The following ACOT7 variants were observed in gnomAD, a reference collection of about 807,000 sequenced individuals.
The protein encoded by ACOT7 is cytosolic acyl coenzyme A thioester hydrolase.
Under a neutral mutation model 40.2 loss-of-function variants are expected in ACOT7, and 12 were observed. The ratio of observed to expected loss-of-function variants is 0.30; its 90% CI spans 0.19 to 0.48. ACOT7 has a LOEUF of 0.48. ACOT7 is among the 20% of genes least tolerant of loss of function. The probability of loss-of-function intolerance (pLI) is 0.99; values close to 1 mark genes in which losing one functional copy is unlikely to be tolerated. For synonymous variants in ACOT7, 228 were observed against 219.5 expected (o/e 1.04, Z -0.34); for missense variants, 395 against 530.8 (o/e 0.74, Z 2.51).
intron 1 of ACOT7, among the ~76,000 whole-genome samples, chr1:6,361,573 C>T (rs1300354023): frequency 2.6e-5 from 4 of 152,070 alleles, no homozygotes; most frequent in South Asian, 2.1e-4. Context: ...CCGAGGCAGG[C>T]GGATCATCTG....
chr1:6,353,467 C>G (rs1641653537), intron 1 of ACOT7, among the ~76,000 whole-genome samples: 2 of 152,158 alleles, frequency 1.3e-5, no homozygotes, highest in Non-Finnish European at 2.9e-5. Flanking sequence ...AACCCCATCT[C>G]TACTAAAAAT....
At chr1:6,293,891 G>A (rs1372076546) in intron 7 of ACOT7, among the ~76,000 whole-genome samples, 1 of 152,180 alleles carries the variant, frequency 6.6e-6, no homozygotes, top group East Asian at 1.9e-4. Context: ...CCATTGCCAG[G>A]TGTGTTCTGC....
intron 6 of ACOT7, among the ~76,000 whole-genome samples, chr1:6,308,060 A>T (rs908179867): frequency 6.6e-6 from 1 of 151,328 alleles, no homozygotes; most frequent in African/African-American, 2.4e-5. Flanking sequence ...AGGAACAGCC[A>T]CAGGCAGAGG....
intron 1 of ACOT7, among the ~76,000 whole-genome samples, chr1:6,372,625 A>G (rs1642153427): frequency 6.9e-6 from 1 of 144,110 alleles, no homozygotes; most frequent in Non-Finnish European, 1.5e-5. Context: ...ATCTTGACTC[A>G]CTGCAACCTC....
chr1:6,333,525 G>T lies in ACOT7; in HGVS notation c.462C>A (p.Pro154=). The part of the protein sequence containing the change: ...LTNKATLWYV[P]LSLKNVDKVL... ...CCTTGTCCACATTCTTCAGCGACAG[G>T]GGCACATACCACAGGGTGGCCTTAT... is the stretch of plus-strand genomic sequence containing the variant. The change falls in exon 4 of 9, where the codon CCC becomes CCA. Residue 154 remains proline, a synonymous_variant. Transcript: ENST00000361521. The T allele has an allele frequency of 6.2e-7, 1 of 1,614,222 alleles. No homozygotes were observed. The highest frequency in any genetic ancestry group is 1.3e-5 in the African/African-American group (1 of 75,076).
chr1:6,327,232 C>T (rs889060479), intron 5 of ACOT7, 67 bp downstream of exon 5: 6 of 1,513,300 alleles, frequency 4.0e-6, no homozygotes, highest in Non-Finnish European at 2.7e-6. Context: ...GTAGGCCCGG[C>T]CTGCTCCTGC....
rs538065625 is a variant in ACOT7, at chr1:6,315,843, A to G, written c.712+2649T>C. Reference sequence around the variant, plus strand: ...TACAAATTGTGGGCAGAAAATCCCTACTAAAATAGGCATTATTGTAAAGCC... The same window carrying G: ...TACAAATTGTGGGCAGAAAATCCCTGCTAAAATAGGCATTATTGTAAAGCC... On this transcript the variant is annotated intron_variant, in intron 6 of 8. Transcript: ENST00000361521. Among the ~76,000 whole-genome samples the G allele has an allele frequency of 1.6e-4, 24 of 151,950 alleles. 1 individual carries two copies. The South Asian group carries it at 5.0e-3, about 32-fold the overall frequency.
intron 7 of ACOT7, among the ~76,000 whole-genome samples, chr1:6,285,272 T>C (rs1448914929): frequency 1.3e-5 from 2 of 152,194 alleles, no homozygotes; most frequent in African/African-American, 4.8e-5. Context: ...AAGTGGATGC[T>C]GAGCAGCCCA....
rs972320827 is a variant in ACOT7 at position 6,355,199 on chromosome 1, T to G, written c.144-5333A>C. On this transcript the variant is annotated intron_variant, in intron 1 of 8. Transcript: ENST00000361521. This position sits in a 1 kb window ranked among gnomAD's most constrained non-coding sequence, Gnocchi z 5.0. ...AGGGAACCATTCACAAATAGGGGAG[T>G]GTAAGCGAATACCCACTCACAGAGG... 6.6e-6 allele frequency among the ~76,000 whole-genome samples: 1 copy of G among 151,450 alleles called. No individual in the cohort carries two copies. The highest frequency in any genetic ancestry group is 2.4e-5 in the African/African-American group (1 of 41,118).
In ACOT7 at chr1:6,359,533, C is replaced by T. The variant is rs900330331; in HGVS notation, c.144-9667G>A. Among the ~76,000 whole-genome samples, 3 of 152,242 alleles carry T rather than the reference C, an allele frequency of 2.0e-5. No homozygotes were observed. Among genetic ancestry groups the T allele is most frequent in the Middle Eastern group, 6.8e-3 (2 of 294 alleles). On this transcript the variant is annotated intron_variant, in intron 1 of 8. Transcript: ENST00000361521. This position sits in a 1 kb window ranked among gnomAD's most constrained non-coding sequence, Gnocchi z 4.1. The stretch of plus-strand genomic sequence containing the variant: ...CTTGGGGCTCAGCAACTCCACTACC[C>T]TTCCTCCACTCCCGCGGGCTCTTAG...
chr1:6,310,250 G>A (rs1381715639), intron 6 of ACOT7, among the ~76,000 whole-genome samples: 1 of 152,238 alleles, frequency 6.6e-6, no homozygotes, highest in Non-Finnish European at 1.5e-5. Flanking sequence ...GGAAGAGGGT[G>A]AGGGCAGACC....
chr1:6,293,136 G>T (rs775408600), intron 7 of ACOT7, among the ~76,000 whole-genome samples: 113 of 152,166 alleles, frequency 7.4e-4, no homozygotes, highest in Non-Finnish European at 1.6e-3. Flanking sequence ...TGATCCGCCC[G>T]CCTCGGCCTC....
Position 6,289,724 on chromosome 1 carries a change from TCTCA to T in ACOT7, c.829+5136_829+5139del, listed in dbSNP as rs1388819419. On this transcript the variant is annotated intron_variant, in intron 7 of 8. Coordinates refer to ENST00000361521, the MANE Select transcript of ACOT7 (RefSeq NM_007274.4). The surrounding 1 kb of genome is among the most constrained non-coding windows in gnomAD (Gnocchi z 4.6). ...TGTTTTGTTTTTAAAGAAACAGGGG[TCTCA>T]CTGTGTTGCCCAGGCTGGTCTCGAA... is the stretch of plus-strand genomic sequence containing the variant. Among the ~76,000 whole-genome samples the T allele has an allele frequency of 2.0e-5, 3 of 151,936 alleles. No homozygotes were observed. Among genetic ancestry groups the T allele is most frequent in the African/African-American group, 7.2e-5 (3 of 41,484 alleles).
intron 1 of ACOT7, among the ~76,000 whole-genome samples, chr1:6,379,088 G>T (rs976345974): frequency 6.6e-6 from 1 of 151,768 alleles, no homozygotes; most frequent in East Asian, 1.9e-4. Flanking sequence ...GTAGAGAGGG[G>T]TTTCACCGTG....
intron 8 of ACOT7, among the ~76,000 whole-genome samples, chr1:6,269,447 A>G (rs12068062): frequency 0.11 from 16,634 of 152,194 alleles, 3,042 homozygotes; most frequent in African/African-American, 0.38. Context: ...AAACCACTAC[A>G]GCTGCTCCCA....
intron 2 of ACOT7, among the ~76,000 whole-genome samples, chr1:6,347,785 C>T (rs1007208519): frequency 6.6e-6 from 1 of 151,552 alleles, no homozygotes; most frequent in African/African-American, 2.4e-5. Flanking sequence ...AAAAACAAGA[C>T]AAGAACAGCT....
rs1349752359 is a variant in ACOT7 at position 6,264,715 on chromosome 1, A to G, written c.1015-20T>C. The G allele has an allele frequency of 8.7e-6, 14 of 1,611,464 alleles. No homozygotes were observed. The highest frequency in any genetic ancestry group is 3.3e-5 in the Admixed American group (2 of 59,930). ...CTCGGGCTGTGGACCACACACAGAG[A>G]CAGGCAGGTTAGGGTCACTGCAGAA... On this transcript the variant is annotated intron_variant, in intron 8 of 8. Coordinates refer to ENST00000361521, the MANE Select transcript of ACOT7 (RefSeq NM_007274.4).
rs183924047 is a variant in ACOT7 at position 6,333,277 on chromosome 1, G to C, written c.510+200C>G. Reference sequence around the variant, plus strand: ...CCCCACCCGTGTTTCCTCGGAGGCAGGACAGAAACTCCTGTGGAGCCAGGG... The same window carrying C: ...CCCCACCCGTGTTTCCTCGGAGGCACGACAGAAACTCCTGTGGAGCCAGGG... On this transcript the variant is annotated intron_variant, in intron 4 of 8. Coordinates refer to ENST00000361521, the MANE Select transcript of ACOT7 (RefSeq NM_007274.4). Among the ~76,000 whole-genome samples the C allele has an allele frequency of 2.7e-3, 412 of 152,386 alleles. 3 individuals carry two copies. Among genetic ancestry groups the C allele is most frequent in the African/African-American group, 9.6e-3 (398 of 41,600 alleles).
chr1:6,298,023 G>A (rs2057008), intron 6 of ACOT7, among the ~76,000 whole-genome samples: 1 of 152,180 alleles, frequency 6.6e-6, no homozygotes, highest in African/African-American at 2.4e-5. Context: ...AATGAGGTAG[G>A]ACAGGTGAGG....
Sources: allele counts gnomAD v4.1 joint callset (sites outside exome capture counted in the v4.1 genomes callset), GRCh38; gene constraint gnomAD v4.1.1; non-coding constraint Gnocchi (gnomAD v3.1); transcripts MANE v1.5; gene names NCBI Gene and HGNC (gene_info 2026-07-23, HGNC 2026-07-21).